Variants in LARGE1 observed in about 807,000 individuals in gnomAD.
LARGE1 encodes xylosyl- and glucuronyltransferase LARGE1.
Under a neutral mutation model 87.6 loss-of-function variants are expected in LARGE1, and 43 were observed. The ratio of observed to expected loss-of-function variants is 0.49; its 90% CI spans 0.38 to 0.63. The LOEUF is 0.63. Ranked by LOEUF, LARGE1 falls within the 30% of genes least tolerant of loss-of-function variation. The pLI is 0.00. For missense variants in LARGE1, 802 were observed against 1,000.2 expected, an observed-to-expected ratio of 0.80 and a Z score of 2.67; for synonymous variants, 434 against 394.6, an observed-to-expected ratio of 1.10 and a Z score of -1.18.
intron 1 of LARGE1, among the ~76,000 whole-genome samples, chr22:33,858,870 G>A (rs1438776262): frequency 1.3e-5 from 2 of 152,178 alleles, no homozygotes; most frequent in African/African-American, 4.8e-5. Flanking sequence ...CATAAAAAAG[G>A]ATGAGTTCAT....
intron 6 of LARGE1, among the ~76,000 whole-genome samples, chr22:33,453,137 C>T (rs1444270795): frequency 6.6e-6 from 1 of 152,216 alleles, no homozygotes; most frequent in African/African-American, 2.4e-5. Context: ...TTGTTTCAGG[C>T]CGGGCGTGGT....
intron 1 of LARGE1, among the ~76,000 whole-genome samples, chr22:33,896,181 T>C (rs1036966164): frequency 2.6e-5 from 4 of 152,238 alleles, no homozygotes; most frequent in Non-Finnish European, 5.9e-5. Flanking sequence ...GGTGGAATGA[T>C]AAATATTTAT....
chr22:33,650,310 G>A (rs764092019), intron 3 of LARGE1, 57 bp downstream of exon 3: 127 of 1,601,534 alleles, frequency 7.9e-5, no homozygotes, highest in Non-Finnish European at 1.1e-4. Flanking sequence ...ATTTGCAAGG[G>A]GTGAGGGCAA....
chr22:33,073,570 A>T, the LARGE1 span, among the ~76,000 whole-genome samples: 2 of 152,018 alleles, frequency 1.3e-5, no homozygotes, highest in African/African-American at 4.8e-5. Context: ...CCCACCCCTC[A>T]TAAAGTCTCC....
At chr22:33,122,359 CTTTTT>C in the LARGE1 span, among the ~76,000 whole-genome samples, 1 of 132,340 alleles carries the variant, frequency 7.6e-6, no homozygotes, top group Non-Finnish European at 1.6e-5. Flanking sequence ...TTTTCTTTTT[CTTTTT>C]TTTTTTTTTT....
chr22:33,660,543 T>G (rs2081094024), intron 2 of LARGE1, among the ~76,000 whole-genome samples: 1 of 152,174 alleles, frequency 6.6e-6, no homozygotes, highest in South Asian at 2.1e-4. Context: ...TCAATCACTT[T>G]TACACAGCCT....
chr22:33,070,589 C>T, the LARGE1 span, among the ~76,000 whole-genome samples: 10 of 152,124 alleles, frequency 6.6e-5, no homozygotes, highest in Non-Finnish European at 1.0e-4. Flanking sequence ...CAGAGATAAA[C>T]AAAGCCTTGT....
intron 6 of LARGE1, among the ~76,000 whole-genome samples, chr22:33,453,277 T>C (rs2068010690): frequency 6.6e-6 from 1 of 152,108 alleles, no homozygotes; most frequent in Non-Finnish European, 1.5e-5. Context: ...TAGCTGGGCA[T>C]GGTGGTGCAC....
At chr22:33,199,996 C>A (rs1339560014) in intron 11 of LARGE1, among the ~76,000 whole-genome samples, 3 of 151,944 alleles carry the variant, frequency 2.0e-5, no homozygotes, top group African/African-American at 7.2e-5. Context: ...TTACAGGCAC[C>A]TGCCACCACA....
intron 6 of LARGE1, among the ~76,000 whole-genome samples, chr22:33,443,376 G>A (rs1304706988): frequency 1.3e-5 from 2 of 152,234 alleles, no homozygotes; most frequent in Non-Finnish European, 2.9e-5. Flanking sequence ...GGCACAGAGA[G>A]GAAGGGGAGA....
chr22:33,918,682 T>G (rs1242959744), intron 1 of LARGE1, among the ~76,000 whole-genome samples: 1 of 152,174 alleles, frequency 6.6e-6, no homozygotes, highest in Non-Finnish European at 1.5e-5. Context: ...CCTTCTTAAT[T>G]TAGAAGCTTT....
chr22:33,526,473 A>T (rs567279638), intron 6 of LARGE1, among the ~76,000 whole-genome samples: 151 of 152,390 alleles, frequency 9.9e-4, no homozygotes, highest in Non-Finnish European at 1.7e-3. Context: ...CATTTATCAG[A>T]TGAAGAATCC....
chr22:33,501,342 G>C (rs1244696973), intron 6 of LARGE1, among the ~76,000 whole-genome samples: 3 of 152,190 alleles, frequency 2.0e-5, no homozygotes, highest in Non-Finnish European at 4.4e-5. Context: ...ACGCTGACTT[G>C]GGGAGAGGAT....
At chr22:33,074,793 T>C in the LARGE1 span, among the ~76,000 whole-genome samples, 1 of 152,206 alleles carries the variant, frequency 6.6e-6, no homozygotes, top group Non-Finnish European at 1.5e-5. Flanking sequence ...ATCTGGGAAG[T>C]AAGTGAAGGG....
At chr22:33,576,272 G>C in intron 5 of LARGE1, among the ~76,000 whole-genome samples, 1 of 152,224 alleles carries the variant, frequency 6.6e-6, no homozygotes, top group East Asian at 1.9e-4. Flanking sequence ...CATTGCTTCT[G>C]ATGGGGATAT....
intron 5 of LARGE1, among the ~76,000 whole-genome samples, chr22:33,597,768 C>G (rs2079017959): frequency 6.6e-6 from 1 of 152,148 alleles, no homozygotes; most frequent in Admixed American, 6.5e-5. Context: ...TCACGCGCAC[C>G]CCAGTGATGG....
At chr22:33,547,831 C>G (rs1310414165) in intron 6 of LARGE1, among the ~76,000 whole-genome samples, 2 of 128,116 alleles carry the variant, frequency 1.6e-5, no homozygotes, top group East Asian at 4.9e-4. Context: ...AAAGCAGGTT[C>G]TCTAAAAAAA....
chr22:33,515,187 C>T (rs887052816), intron 6 of LARGE1, among the ~76,000 whole-genome samples: 5 of 151,808 alleles, frequency 3.3e-5, no homozygotes, highest in Admixed American at 3.3e-4. Flanking sequence ...GATTCCAGAC[C>T]GCAAGCTCTT....
At chr22:33,807,250 C>T (rs2899213) in intron 1 of LARGE1, among the ~76,000 whole-genome samples, 137,581 of 152,256 alleles carry the variant, frequency 0.9, 62,257 homozygotes, top group East Asian at 0.97. Flanking sequence ...TCATGTTACC[C>T]GCCTCACAGG....
Sources: gnomAD v4.1 joint callset for allele counts (sites outside exome capture counted in the v4.1 genomes callset) on GRCh38, gnomAD v4.1.1 for gene constraint, MANE v1.5 for transcripts, NCBI Gene and HGNC (gene_info 2026-07-23, HGNC 2026-07-21) for gene names.